Variants in DNAH11 observed in about 807,000 individuals in gnomAD.
DNAH11 encodes the protein axonemal beta dynein heavy chain 11.
DNAH11 carries 442 observed loss-of-function variants against 526.0 expected under a neutral mutation model. That is an observed-to-expected ratio of 0.84 (90% CI 0.78 to 0.91). The LOEUF (loss-of-function observed/expected upper bound fraction) is 0.91. DNAH11 is among the 40% of genes least tolerant of loss of function. The probability of loss-of-function intolerance (pLI) is 0.00; values close to 1 mark genes in which losing one functional copy is unlikely to be tolerated. For synonymous variants in DNAH11, 2,461 were observed against 1,935.9 expected (o/e 1.27, Z -7.12); for missense variants, 6,989 against 5,448.7 (o/e 1.28, Z -8.90).
intron 77 of DNAH11, 131 bp from the exon 78 acceptor site, chr7:21,894,492 C>T: frequency 1.1e-6 from 1 of 896,868 alleles, no homozygotes. Flanking sequence ...AGGCATCCTT[C>T]ACATGCATTT....
At chr7:21,699,884 C>T (rs1022345717) in intron 36 of DNAH11, among the ~76,000 whole-genome samples, 2 of 151,664 alleles carry the variant, frequency 1.3e-5, no homozygotes, top group Non-Finnish European at 2.9e-5. Context: ...AGATTCAAAA[C>T]AAATGAAACA....
rs371873947 is a variant in DNAH11, at chr7:21,649,951, C to T, written c.4945-5881C>T. Among the ~76,000 whole-genome samples, 6 of 152,208 alleles carry T rather than the reference C, an allele frequency of 3.9e-5. No individual in the cohort carries two copies. The South Asian group carries it at 1.0e-3, about 26-fold the overall frequency. The stretch of plus-strand genomic sequence containing the variant: ...AAGTGCTGGGATTACACACGTGAGC[C>T]CCCATGCCCAGCGACTATTCTATTC... On this transcript the variant is annotated intron_variant, in intron 28 of 81. Coordinates refer to ENST00000409508, the MANE Select transcript of DNAH11 (RefSeq NM_001277115.2).
chr7:21,560,604 G>C (rs1417397498), intron 4 of DNAH11, among the ~76,000 whole-genome samples: 3 of 152,186 alleles, frequency 2.0e-5, no homozygotes, highest in Non-Finnish European at 4.4e-5. Context: ...CATGGGAGAA[G>C]GATGAAGGCC....
In DNAH11 at chr7:21,635,906, A is replaced by G. The variant is rs1229279787; in HGVS notation, c.4536A>G (p.Val1512=). The part of the protein sequence containing the change: ...QLQTLLQSKY[V]EYFIEQVLSW... The stretch of plus-strand genomic sequence containing the variant: ...AGACTCTTCTTCAAAGCAAGTATGT[A>G]GAATATTTCATTGAGCAAGTGTTAA... The change falls in exon 26 of 82, where the codon GTA becomes GTG. Residue 1512 remains valine (V), a synonymous_variant. Coordinates refer to ENST00000409508, the MANE Select transcript of DNAH11 (RefSeq NM_001277115.2). 1 of 1,612,880 alleles carries G rather than the reference A, an allele frequency of 6.2e-7. No individual in the cohort carries two copies. Among genetic ancestry groups the G allele is most frequent in the Non-Finnish European group, 8.5e-7 (1 of 1,179,434 alleles).
intron 57 of DNAH11, among the ~76,000 whole-genome samples, chr7:21,781,405 A>G (rs1305702475): frequency 6.6e-6 from 1 of 152,178 alleles, no homozygotes; most frequent in East Asian, 1.9e-4. Flanking sequence ...GTGACTTCCA[A>G]ATCACACAAG....
Position 21,884,334 on chromosome 7 carries a change from A to AT in DNAH11, c.12432dup (p.Gly4145TrpfsTer7). ...CGTTATCTCTTTGGTGAGATCATGT[A>AT]TGGAGGCCACATCACAGATGACTGG... On this transcript the variant is annotated frameshift_variant, in exon 76 of 82. Coordinates refer to ENST00000409508, the MANE Select transcript of DNAH11 (RefSeq NM_001277115.2). LOFTEE classifies it high-confidence loss of function. The AT allele has an allele frequency of 6.2e-7, 1 of 1,613,288 alleles. No individual in the cohort carries two copies. Among genetic ancestry groups the AT allele is most frequent in the Non-Finnish European group, 8.5e-7 (1 of 1,179,528 alleles).
chr7:21,866,320 CAAAAAA>C (rs35623271), intron 70 of DNAH11, 144 bp from the exon 71 acceptor site: 6 of 456,028 alleles, frequency 1.3e-5, no homozygotes, highest in South Asian at 6.1e-5. Flanking sequence ...CTCAGCAGAG[CAAAAAA>C]AAAAAAAAAG....
intron 54 of DNAH11, among the ~76,000 whole-genome samples, chr7:21,753,554 A>C (rs911788337): frequency 1.3e-5 from 2 of 152,196 alleles, no homozygotes; most frequent in Non-Finnish European, 2.9e-5. Context: ...TATTTTTCCC[A>C]AAAAGATGTC....
At chr7:21,864,453 G>C in intron 69 of DNAH11, 82 bp from the exon 70 acceptor site, 1 of 1,428,616 alleles carries the variant, frequency 7.0e-7, no homozygotes, top group Non-Finnish European at 9.5e-7. Context: ...ACTCAGTCAT[G>C]TCTGTTAAAT....
At chr7:21,642,058 A>G (rs981926376) in intron 28 of DNAH11, among the ~76,000 whole-genome samples, 2 of 152,212 alleles carry the variant, frequency 1.3e-5, no homozygotes, top group African/African-American at 2.4e-5. Context: ...TGGCCACAGT[A>G]TAAACATGCT....
intron 30 of DNAH11, among the ~76,000 whole-genome samples, chr7:21,679,845 A>G (rs769034495): frequency 6.6e-6 from 1 of 152,090 alleles, no homozygotes; most frequent in Non-Finnish European, 1.5e-5. Context: ...CAAAGTTCGG[A>G]TACAGATTAT....
Position 21,707,755 on chromosome 7 carries a change from T to A in DNAH11, c.6603T>A (p.Asn2201Lys), listed in dbSNP as rs760775359. 8.1e-6 allele frequency: 13 copies of A among 1,613,370 alleles called. No individual in the cohort carries two copies. Among genetic ancestry groups the A allele is most frequent in the Admixed American group, 6.7e-5 (4 of 59,914 alleles). The part of the protein sequence containing the change: ...YVNMKQKPVW[N>K]DLNPKAVTTD... ...ACATGAAACAGAAGCCGGTTTGGAA[T>A]GACTTAAACCCTAAAGCTGTGACAA... Residue 2201 changes from asparagine (N) to lysine (K), a missense_variant, in exon 40 of 82, where the codon AAT (asparagine) becomes AAA (lysine). Transcript: ENST00000409508.
At chr7:21,600,182 G>C in intron 15 of DNAH11, 63 bp downstream of exon 15, 1 of 1,396,466 alleles carries the variant, frequency 7.2e-7, no homozygotes, top group Non-Finnish European at 9.5e-7. Context: ...AATTGTGGCT[G>C]AGTATGGTAG....
intron 28 of DNAH11, among the ~76,000 whole-genome samples, chr7:21,643,916 A>T (rs1286451199): frequency 6.6e-6 from 1 of 152,188 alleles, no homozygotes; most frequent in African/African-American, 2.4e-5. Context: ...CCTTTTTAAA[A>T]TATGACTTAA....
At chr7:21,651,842 C>T (rs923856690) in intron 28 of DNAH11, among the ~76,000 whole-genome samples, 1 of 152,216 alleles carries the variant, frequency 6.6e-6, no homozygotes, top group African/African-American at 2.4e-5. Context: ...CCACAAAAAT[C>T]ACTGCCTAAG....
chr7:21,690,135 A>G (rs1356559485), intron 34 of DNAH11, among the ~76,000 whole-genome samples: 1 of 152,192 alleles, frequency 6.6e-6, no homozygotes, highest in East Asian at 1.9e-4. Context: ...AAATCCTTGC[A>G]GAATCCAATA....
At chr7:21,866,102 C>T (rs1331512156) in intron 70 of DNAH11, among the ~76,000 whole-genome samples, 1 of 152,034 alleles carries the variant, frequency 6.6e-6, no homozygotes, top group Non-Finnish European at 1.5e-5. Context: ...GCCTTAACCT[C>T]CTAGGAATGC....
chr7:21,899,563 G>T, intron 80 of DNAH11, 115 bp downstream of exon 80: 1 of 822,894 alleles, frequency 1.2e-6, no homozygotes. Context: ...TCCTCAAGCA[G>T]CAGCCATTAT....
intron 63 of DNAH11, among the ~76,000 whole-genome samples, chr7:21,814,352 T>TATTTA (rs11449857): frequency 4.0e-5 from 6 of 149,122 alleles, no homozygotes; most frequent in Admixed American, 6.7e-5. Flanking sequence ...TTTATTTATT[T>TATTTA]TTTTTTTATT....
Sources: gnomAD v4.1 joint callset for allele counts (sites outside exome capture counted in the v4.1 genomes callset) on GRCh38, gnomAD v4.1.1 for gene constraint, MANE v1.5 for transcripts, NCBI Gene and HGNC (gene_info 2026-07-23, HGNC 2026-07-21) for gene names.